The following FIG4 variants were observed in gnomAD, a reference collection of about 807,000 sequenced individuals.
The protein encoded by FIG4 is polyphosphoinositide phosphatase.
FIG4 carries 112 observed loss-of-function variants against 118.6 expected under a neutral mutation model. The ratio of observed to expected loss-of-function variants is 0.94; its 90% CI spans 0.81 to 1.11. FIG4 has a LOEUF of 1.11. FIG4 is among the 50% of genes least tolerant of loss of function. The probability of loss-of-function intolerance (pLI) is 0.00; values close to 1 mark genes in which losing one functional copy is unlikely to be tolerated. For synonymous variants in FIG4, 369 were observed against 381.2 expected (o/e 0.97, Z 0.37); for missense variants, 969 against 1,111.7 (o/e 0.87, Z 1.83).
At chr6:109,783,284 A>G (rs1254265169) in intron 16 of FIG4, among the ~76,000 whole-genome samples, 1 of 152,264 alleles carries the variant, frequency 6.6e-6, no homozygotes, top group Non-Finnish European at 1.5e-5. Flanking sequence ...AGTTGAAAAA[A>G]GTAAATAAAT....
At chr6:109,703,376 G>T (rs1442086455) in intron 1 of FIG4, among the ~76,000 whole-genome samples, 4 of 152,076 alleles carry the variant, frequency 2.6e-5, no homozygotes, top group African/African-American at 4.8e-5. Context: ...CACTACAGAG[G>T]TATCAGGGGC....
At chr6:109,756,063 A>T (rs1776885421) in intron 10 of FIG4, among the ~76,000 whole-genome samples, 1 of 152,202 alleles carries the variant, frequency 6.6e-6, no homozygotes, top group South Asian at 2.1e-4. Context: ...ATGATTTTGC[A>T]GCGGCTGGTG....
At chr6:109,734,197 T>C (rs1776092534) in intron 5 of FIG4, among the ~76,000 whole-genome samples, 1 of 151,748 alleles carries the variant, frequency 6.6e-6, no homozygotes, top group Non-Finnish European at 1.5e-5. Context: ...CCAGACACAA[T>C]TGTACCATTT....
intron 22 of FIG4, among the ~76,000 whole-genome samples, chr6:109,804,878 C>T (rs535821761): frequency 1.3e-5 from 2 of 152,178 alleles, no homozygotes; most frequent in Admixed American, 1.3e-4. Flanking sequence ...GAGAGCAAGG[C>T]CCATCTGTCT....
intron 1 of FIG4, among the ~76,000 whole-genome samples, chr6:109,711,415 A>G (rs570039688): frequency 6.6e-6 from 1 of 152,112 alleles, no homozygotes; most frequent in South Asian, 2.1e-4. Flanking sequence ...AACAAAAAAC[A>G]AAAAACTTGC....
chr6:109,806,814 TTCTCATTGTTCAAC>T (rs1019140509), intron 22 of FIG4, among the ~76,000 whole-genome samples: 10 of 152,090 alleles, frequency 6.6e-5, no homozygotes, highest in African/African-American at 2.4e-4. Flanking sequence ...TGTCCATGTG[TTCTCATTGTTCAAC>T]TCCCACTTCT....
intron 4 of FIG4, among the ~76,000 whole-genome samples, chr6:109,731,635 C>T (rs1389416950): frequency 5.3e-5 from 8 of 152,036 alleles, no homozygotes; most frequent in South Asian, 2.1e-4. Flanking sequence ...TATAGAATTA[C>T]GTAGCATTTA....
At chr6:109,783,417 A>G (rs773499644) in intron 16 of FIG4, among the ~76,000 whole-genome samples, 17 of 152,210 alleles carry the variant, frequency 1.1e-4, no homozygotes, top group Non-Finnish European at 2.1e-4. Context: ...AGCCTCTTGT[A>G]GAGACGCTCT....
rs1202233414 is a variant in FIG4, at chr6:109,789,521, G to T, written c.2097-73G>T. 2.8e-6 allele frequency: 3 copies of T among 1,064,398 alleles called. No individual in the cohort carries two copies. The African/African-American group carries it at 4.7e-5, about 17-fold the overall frequency. The allele number at this position is 1,064,398 out of a possible 1,614,324, so 65.9% of individuals were successfully genotyped here. On this transcript the variant is annotated intron_variant, in intron 18 of 22. Coordinates refer to ENST00000230124, the MANE Select transcript of FIG4 (RefSeq NM_014845.6). ...TTAAGAAGGAATATTGTAAGAGTGT[G>T]AACTGAGATGGAAGCCAATATCATC...
At chr6:109,759,605 G>A (rs964244142) in intron 10 of FIG4, among the ~76,000 whole-genome samples, 1 of 152,154 alleles carries the variant, frequency 6.6e-6, no homozygotes, top group Admixed American at 6.5e-5. Flanking sequence ...GAACTGTACA[G>A]TAAAGTACTA....
chr6:109,696,841 A>G (rs1461540010), intron 1 of FIG4, among the ~76,000 whole-genome samples: 4 of 152,192 alleles, frequency 2.6e-5, no homozygotes, highest in Non-Finnish European at 2.9e-5. Flanking sequence ...TAGGCTGACT[A>G]TAGGTAAATA....
At chr6:109,765,205 G>A in intron 14 of FIG4, 44 bp downstream of exon 14, 1 of 1,545,578 alleles carries the variant, frequency 6.5e-7, no homozygotes, top group Non-Finnish European at 8.9e-7. Flanking sequence ...AATGGCAGAA[G>A]GCAAACCTGG....
chr6:109,708,136 C>G (rs2128379824), intron 1 of FIG4, among the ~76,000 whole-genome samples: 1 of 152,202 alleles, frequency 6.6e-6, no homozygotes, highest in African/African-American at 2.4e-5. Context: ...TCCTGATCCT[C>G]TCCCTCCTCC....
intron 16 of FIG4, among the ~76,000 whole-genome samples, chr6:109,778,883 G>A (rs749436097): frequency 8.5e-5 from 13 of 152,312 alleles, no homozygotes; most frequent in South Asian, 2.1e-4. Context: ...ACAGGCGTGA[G>A]CCACCGCGCC....
At chr6:109,812,518 T>C (rs1033122620) in intron 22 of FIG4, among the ~76,000 whole-genome samples, 1 of 152,060 alleles carries the variant, frequency 6.6e-6, no homozygotes, top group African/African-American at 2.4e-5. Flanking sequence ...AAGAGGGAAA[T>C]AGGAGGAAAC....
intron 1 of FIG4, among the ~76,000 whole-genome samples, chr6:109,709,509 G>A (rs1217324754): frequency 6.6e-6 from 1 of 152,186 alleles, no homozygotes; most frequent in Admixed American, 6.5e-5. Context: ...AATGTCAGTG[G>A]TAGTTTAATA....
chr6:109,776,099 G>A (rs145875024), intron 15 of FIG4, among the ~76,000 whole-genome samples: 125 of 152,290 alleles, frequency 8.2e-4, no homozygotes, highest in African/African-American at 2.8e-3. Context: ...AGAAGGAAAC[G>A]AGGAGAAAGA....
At chr6:109,726,849 A>G (rs1327089094) in intron 3 of FIG4, among the ~76,000 whole-genome samples, 1 of 151,972 alleles carries the variant, frequency 6.6e-6, no homozygotes, top group Non-Finnish European at 1.5e-5. Context: ...ATTCCTAGGT[A>G]TTTTATTCTC....
At chr6:109,778,793 G>A (rs1424511781) in intron 16 of FIG4, among the ~76,000 whole-genome samples, 2 of 152,026 alleles carry the variant, frequency 1.3e-5, no homozygotes, top group Non-Finnish European at 2.9e-5. Context: ...TAGAGACGGG[G>A]TTTCACTGTG....
Sources: allele counts gnomAD v4.1 joint callset (sites outside exome capture counted in the v4.1 genomes callset), GRCh38; gene constraint gnomAD v4.1.1; transcripts MANE v1.5; gene names NCBI Gene and HGNC (gene_info 2026-07-23, HGNC 2026-07-21).